The following PPIG variants were observed in gnomAD, a reference collection of about 807,000 sequenced individuals.
PPIG encodes peptidylprolyl isomerase G.
PPIG carries 26 observed loss-of-function variants against 87.9 expected under a neutral mutation model. That is an observed-to-expected ratio of 0.30 (90% CI 0.22 to 0.41). The LOEUF (loss-of-function observed/expected upper bound fraction) is 0.41. PPIG is among the 10% of genes least tolerant of loss of function. The pLI is 1.00. For missense variants in PPIG, 722 were observed against 879.4 expected (o/e 0.82, Z 2.26); for synonymous variants, 308 against 276.5 (o/e 1.11, Z -1.13).
intron 7 of PPIG, among the ~76,000 whole-genome samples, chr2:169,612,091 T>A (rs1376113249): frequency 6.6e-6 from 1 of 152,096 alleles, no homozygotes; most frequent in Non-Finnish European, 1.5e-5. Flanking sequence ...TCCTACCGCC[T>A]CAGCCTCCCA....
intron 7 of PPIG, among the ~76,000 whole-genome samples, chr2:169,610,387 T>C (rs1392766512): frequency 2.0e-5 from 3 of 152,222 alleles, no homozygotes; most frequent in Non-Finnish European, 4.4e-5. Context: ...TTAGTTCTTT[T>C]TTGGTTTGGC....
chr2:169,619,165 G>A (rs965575100), intron 9 of PPIG, among the ~76,000 whole-genome samples: 1 of 152,174 alleles, frequency 6.6e-6, no homozygotes, highest in Admixed American at 6.5e-5. Flanking sequence ...CAGTTTCCAT[G>A]TAATTGTGCA....
At chr2:169,611,246 G>T (rs973651034) in intron 7 of PPIG, among the ~76,000 whole-genome samples, 1 of 151,120 alleles carries the variant, frequency 6.6e-6, no homozygotes, top group African/African-American at 2.4e-5. Context: ...AAAAGAAAAA[G>T]AAAAAAAGAA....
chr2:169,631,729 C>A, intron 10 of PPIG, 37 bp from the exon 11 acceptor site: 1 of 1,612,182 alleles, frequency 6.2e-7, no homozygotes, highest in Non-Finnish European at 8.5e-7. Context: ...ACATAATAAC[C>A]AACTGTAACT....
Position 169,630,901 on chromosome 2 carries a change from G to T in PPIG, c.675G>T (p.Glu225Asp), listed in dbSNP as rs1804596. Residue 225 changes from glutamate (E) to aspartate (D), a missense_variant, in exon 10 of 14, where the codon GAG becomes GAT. Physicochemically the swap from Glu to Asp is conservative, Grantham distance 45. Around this residue, in one of 4 missense-constraint regions of PPIG, gnomAD observed 142 missense variants for 152.8 expected, o/e 0.93. Coordinates refer to ENST00000260970, the MANE Select transcript of PPIG (RefSeq NM_004792.3). ...DSSDSESATEEKSKKRKKKHR... is the reference protein window; with the variant it reads ...DSSDSESATEDKSKKRKKKHR... Reference sequence around the variant, plus strand: ...CTGATTCCGAAAGTGCTACTGAAGAGAAATCAAAGAAAAGAAAAAAGAAAC... The same window carrying T: ...CTGATTCCGAAAGTGCTACTGAAGATAAATCAAAGAAAAGAAAAAAGAAAC... 3.1e-6 allele frequency: 5 copies of T among 1,603,818 alleles called. No homozygotes were observed. The highest frequency in any genetic ancestry group is 4.2e-6 in the Non-Finnish European group (5 of 1,177,444).
chr2:169,625,072 C>T (rs905413670), intron 9 of PPIG, among the ~76,000 whole-genome samples: 1 of 152,220 alleles, frequency 6.6e-6, no homozygotes, highest in Admixed American at 6.5e-5. Context: ...TAGCTGTCAC[C>T]TCAAATACTA....
At chr2:169,608,057 AT>A (rs1176132856) in intron 6 of PPIG, among the ~76,000 whole-genome samples, 1 of 152,236 alleles carries the variant, frequency 6.6e-6, no homozygotes, top group East Asian at 1.9e-4. Flanking sequence ...AGATAGTTTC[AT>A]TTTTTTATTT....
At chr2:169,617,397 G>T (rs557689328) in intron 9 of PPIG, among the ~76,000 whole-genome samples, 1 of 152,264 alleles carries the variant, frequency 6.6e-6, no homozygotes, top group Admixed American at 6.5e-5. Context: ...ATTCTGTGAA[G>T]AAAGTCAGTT....
intron 12 of PPIG, among the ~76,000 whole-genome samples, chr2:169,633,753 CT>C (rs1686116358): frequency 6.6e-6 from 1 of 152,096 alleles, no homozygotes; most frequent in African/African-American, 2.4e-5. Context: ...ACATAATCAG[CT>C]CCATGTCACA....
chr2:169,636,833 A>G lies in PPIG; in HGVS notation c.1575A>G (p.Ser525=), dbSNP rs771219370. ...RSKEKSKQLE[S]KSNEHDHSKS... ...AAGAGAAGTCTAAACAGTTAGAATC[A>G]AAGAGTAATGAGCATGATCACAGTA... The change falls in exon 14 of 14, where the codon TCA becomes TCG. Residue 525 remains serine, a synonymous_variant. Coordinates refer to ENST00000260970, the MANE Select transcript of PPIG (RefSeq NM_004792.3). 15 of 1,613,660 alleles carry G rather than the reference A, an allele frequency of 9.3e-6. No homozygotes were observed. In the South Asian group the frequency reaches 1.4e-4, roughly 15 times the overall value.
At chr2:169,597,887 TTTGTTTGA>T (rs1211364390) in intron 1 of PPIG, among the ~76,000 whole-genome samples, 1 of 126,614 alleles carries the variant, frequency 7.9e-6, no homozygotes, top group African/African-American at 2.9e-5. Context: ...TGTTTGTTTG[TTTGTTTGA>T]AATAGAAACA....
intron 1 of PPIG, among the ~76,000 whole-genome samples, chr2:169,592,323 G>C (rs866236369): frequency 5.9e-5 from 1 of 16,952 alleles, no homozygotes; most frequent in Non-Finnish European, 1.2e-4. Context: ...TTTTTTTTTT[G>C]AGATGGAGTC....
intron 9 of PPIG, among the ~76,000 whole-genome samples, chr2:169,626,394 T>C (rs1685888629): frequency 6.6e-6 from 1 of 152,182 alleles, no homozygotes; most frequent in South Asian, 2.1e-4. Context: ...AGAGGAACTT[T>C]TTATTTTTTA....
chr2:169,630,849 G>A lies in PPIG; in HGVS notation c.623G>A (p.Ser208Asn). 6.2e-7 allele frequency: 1 copy of A among 1,612,994 alleles called. No individual in the cohort carries two copies. The stretch of plus-strand genomic sequence containing the variant: ...TCATCTAGTGACTCAGATAGCTCAA[G>A]TGATTCTCAGTCCTCTTCTGATTCC... ...SSSSSDSDSS[S>N]DSQSSSDSSD... The change falls in exon 10 of 14, where the codon AGT becomes AAT. Residue 208 changes from serine (S) to asparagine (N), a missense_variant. By Grantham distance (46) the Ser-to-Asn change is conservative. Coordinates refer to ENST00000260970, the MANE Select transcript of PPIG (RefSeq NM_004792.3).
At chr2:169,588,637 GT>G (rs1420131445) in intron 1 of PPIG, among the ~76,000 whole-genome samples, 1 of 151,562 alleles carries the variant, frequency 6.6e-6, no homozygotes, top group Non-Finnish European at 1.5e-5. Flanking sequence ...TTTCTTTTTT[GT>G]TTTTGGTTTT....
chr2:169,619,240 T>C (rs2105505576), intron 9 of PPIG, among the ~76,000 whole-genome samples: 1 of 152,300 alleles, frequency 6.6e-6, no homozygotes, highest in Non-Finnish European at 1.5e-5. Context: ...GAGACTTGAC[T>C]GTTAGGATTT....
Position 169,637,016 on chromosome 2 carries a change from A to G in PPIG, c.1758A>G (p.Arg586=). Residue 586 remains arginine (R), a synonymous_variant, in exon 14 of 14, where the codon AGA becomes AGG. Transcript: ENST00000260970. ...GAACCCATGACAGAGATCGCAGCAG[A>G]AGCAAGGAGTACCATAGATACAGAG... ...RSRTHDRDRS[R]SKEYHRYREQ... is the part of the protein sequence containing the mutation. The G allele has an allele frequency of 6.2e-7, 1 of 1,613,986 alleles. No individual in the cohort carries two copies. Among genetic ancestry groups the G allele is most frequent in the African/African-American group, 1.3e-5 (1 of 75,026 alleles).
At chr2:169,627,053 G>A (rs531665219) in intron 9 of PPIG, among the ~76,000 whole-genome samples, 1 of 152,224 alleles carries the variant, frequency 6.6e-6, no homozygotes, top group South Asian at 2.1e-4. Flanking sequence ...TTCTTGAGCA[G>A]ATTATATTCC....
At chr2:169,628,557 C>T (rs1005092957) in intron 9 of PPIG, among the ~76,000 whole-genome samples, 4 of 152,116 alleles carry the variant, frequency 2.6e-5, no homozygotes, top group African/African-American at 9.7e-5. Context: ...TGCCTGTAGT[C>T]CTAGCTACTC....
Sources: allele counts gnomAD v4.1 joint callset (sites outside exome capture counted in the v4.1 genomes callset), GRCh38; gene constraint gnomAD v4.1.1; regional missense constraint gnomAD v4.1.1; transcripts MANE v1.5; gene names NCBI Gene and HGNC (gene_info 2026-07-23, HGNC 2026-07-21).